ESYT2: variants seen among roughly 807,000 people sequenced by gnomAD.
ESYT2 encodes extended synaptotagmin-2.
Under a neutral mutation model 107.2 loss-of-function variants are expected in ESYT2, and 54 were observed. The observed-to-expected ratio is 0.50, with a 90% CI of 0.40 to 0.63. The LOEUF (loss-of-function observed/expected upper bound fraction) is 0.63. Ranked by LOEUF, ESYT2 falls within the 30% of genes least tolerant of loss-of-function variation. The probability of loss-of-function intolerance (pLI) is 0.00; values close to 1 mark genes in which losing one functional copy is unlikely to be tolerated. For synonymous variants in ESYT2, 491 were observed against 434.1 expected (o/e 1.13, Z -1.63); for missense variants, 1,020 against 1,094.5 (o/e 0.93, Z 0.96).
Position 158,741,840 on chromosome 7 carries a change from G to A in ESYT2, c.1851C>T (p.Val617=). 6.2e-7 allele frequency: 1 copy of A among 1,613,956 alleles called. No homozygotes were observed. Among genetic ancestry groups the A allele is most frequent in the Non-Finnish European group, 8.5e-7 (1 of 1,179,958 alleles). Residue 617 remains valine (V), a synonymous_variant, in exon 18 of 23, where the codon GTC becomes GTT. Transcript: ENST00000275418. ...RPPDHQHSAQ[V]KRPSVSKEGR... is the part of the protein sequence containing the mutation. ...CCTCTTTGGACACAGAGGGACGTTT[G>A]ACTTGAGCTGAGTGTTGGTGGTCTG...
intron 13 of ESYT2, among the ~76,000 whole-genome samples, chr7:158,757,565 C>T (rs138087614): frequency 8.1e-6 from 1 of 123,546 alleles, no homozygotes; most frequent in African/African-American, 3.2e-5. Context: ...CTTAATCCAG[C>T]GCCAAAGGAT....
chr7:158,805,261 T>C (rs897597131), intron 1 of ESYT2, among the ~76,000 whole-genome samples: 2 of 152,338 alleles, frequency 1.3e-5, no homozygotes, highest in East Asian at 3.9e-4. Flanking sequence ...CCTCAAATCC[T>C]ATCTGCCTGT....
rs1437802293 is a variant in ESYT2 at position 158,743,514 on chromosome 7, A to C, written c.1794+15T>G. On this transcript the variant is annotated intron_variant, in intron 17 of 22. Coordinates refer to ENST00000275418, the MANE Select transcript of ESYT2 (RefSeq NM_001367773.1). ...CCCCATCCCCTATGGTGTTCACTGC[A>C]GGACGACACGATACCCGCAGGGCAA... 6 of 1,604,584 alleles carry C rather than the reference A, an allele frequency of 3.7e-6. No homozygotes were observed. Among genetic ancestry groups the C allele is most frequent in the Non-Finnish European group, 5.1e-6 (6 of 1,176,908 alleles).
At chr7:158,792,537 A>AAC (rs1352541674) in intron 4 of ESYT2, among the ~76,000 whole-genome samples, 1 of 149,242 alleles carries the variant, frequency 6.7e-6, no homozygotes, top group East Asian at 2.0e-4. Flanking sequence ...CAAAAACAAA[A>AAC]AAAAAACCAA....
chr7:158,748,213 C>CG lies in ESYT2; in HGVS notation c.1624dup (p.Arg542ProfsTer5). Reference sequence around the variant, plus strand: ...AAATACCTCAACTTCAAGGTCCTGGCGCTTGGGATTGTGAATGAAGAAAGT... The same window carrying CG: ...AAATACCTCAACTTCAAGGTCCTGGCGGCTTGGGATTGTGAATGAAGAAAGT... On this transcript the variant is annotated frameshift_variant, in exon 16 of 23. Transcript: ENST00000275418. 6.2e-7 allele frequency: 1 copy of CG among 1,614,086 alleles called. No individual in the cohort carries two copies. Among genetic ancestry groups the CG allele is most frequent in the Non-Finnish European group, 8.5e-7 (1 of 1,179,990 alleles).
At chr7:158,741,353 G>C (rs890769028) in intron 18 of ESYT2, among the ~76,000 whole-genome samples, 170 bp downstream of exon 18, 1 of 152,198 alleles carries the variant, frequency 6.6e-6, no homozygotes, top group Non-Finnish European at 1.5e-5. Context: ...CCGAGATGCA[G>C]TGAGCAAAAC....
At chr7:158,809,999 T>C (rs528165627) in intron 1 of ESYT2, among the ~76,000 whole-genome samples, 2 of 152,366 alleles carry the variant, frequency 1.3e-5, no homozygotes, top group South Asian at 4.1e-4. Context: ...TACGTTAAAC[T>C]TAATTTGTCT....
chr7:158,786,012 A>G (rs904700235), intron 6 of ESYT2, among the ~76,000 whole-genome samples: 1 of 152,190 alleles, frequency 6.6e-6, no homozygotes, highest in Non-Finnish European at 1.5e-5. Flanking sequence ...CTCTGTTCTC[A>G]TATTTTCCAG....
intron 7 of ESYT2, among the ~76,000 whole-genome samples, chr7:158,769,690 C>T (rs965567589): frequency 2.0e-5 from 3 of 152,096 alleles, no homozygotes; most frequent in African/African-American, 7.2e-5. Flanking sequence ...TAATTTTCAC[C>T]CTTCTTACGA....
intron 1 of ESYT2, among the ~76,000 whole-genome samples, chr7:158,799,612 C>T (rs896148500): frequency 2.6e-5 from 4 of 152,128 alleles, no homozygotes; most frequent in Non-Finnish European, 5.9e-5. Flanking sequence ...CTAGTCTGGA[C>T]AACATAATGA....
rs543990256 is a variant in ESYT2 at position 158,800,567 on chromosome 7, T to G, written c.331-1495A>C. 2.2e-4 allele frequency among the ~76,000 whole-genome samples: 33 copies of G among 152,152 alleles called. No homozygotes were observed. In the East Asian group the frequency reaches 5.3e-3, roughly 24 times the overall value. Reference sequence around the variant, plus strand: ...TGTGCCAACTGGCTAATTTTTAAATTTTTTTAGAGACAGGATCTCACTATG... The same window carrying G: ...TGTGCCAACTGGCTAATTTTTAAATGTTTTTAGAGACAGGATCTCACTATG... On this transcript the variant is annotated intron_variant, in intron 1 of 22. Transcript: ENST00000275418.
At chr7:158,772,697 C>A (rs543698517) in intron 7 of ESYT2, among the ~76,000 whole-genome samples, 2 of 152,186 alleles carry the variant, frequency 1.3e-5, no homozygotes, top group East Asian at 1.9e-4. Context: ...CAGGGATGCA[C>A]CCTCCAGGGC....
At chr7:158,775,543 T>A (rs1168765207) in intron 6 of ESYT2, among the ~76,000 whole-genome samples, 3 of 152,244 alleles carry the variant, frequency 2.0e-5, no homozygotes, top group Non-Finnish European at 4.4e-5. Flanking sequence ...GTAGATTCCA[T>A]CTCAGGAAAC....
intron 1 of ESYT2, among the ~76,000 whole-genome samples, chr7:158,807,655 C>A (rs1463609997): frequency 6.6e-6 from 1 of 152,184 alleles, no homozygotes; most frequent in Non-Finnish European, 1.5e-5. Flanking sequence ...TGCTGTTACA[C>A]ATTCCCCATA....
chr7:158,737,214 G>C, intron 19 of ESYT2, 35 bp from the exon 20 acceptor site: 1 of 1,599,378 alleles, frequency 6.3e-7, no homozygotes, highest in Non-Finnish European at 8.5e-7. Context: ...GAGGTATTAG[G>C]ACCGAGAAAA....
chr7:158,823,291 T>C (rs149064001), intron 1 of ESYT2, among the ~76,000 whole-genome samples: 10,213 of 84,678 alleles, frequency 0.12, 758 homozygotes, highest in East Asian at 0.48. Context: ...TGAGACTCTG[T>C]CTCAAAAAAA....
chr7:158,750,722 A>C lies in ESYT2; in HGVS notation c.1483-999T>G, dbSNP rs111932302. On this transcript the variant is annotated intron_variant, in intron 14 of 22. Coordinates refer to ENST00000275418, the MANE Select transcript of ESYT2 (RefSeq NM_001367773.1). ...GAATACTAATTTCCCCCCTAAGTTA[A>C]TTTTCTCCTTTTTCCTTTAATATTA... is the stretch of plus-strand genomic sequence containing the variant. Among the ~76,000 whole-genome samples the C allele has an allele frequency of 5.1e-3, 779 of 152,250 alleles. 4 individuals carry two copies. The highest frequency in any genetic ancestry group is 0.018 in the African/African-American group (748 of 41,550).
chr7:158,750,114 G>T (rs1011104270), intron 14 of ESYT2, among the ~76,000 whole-genome samples: 2 of 152,086 alleles, frequency 1.3e-5, no homozygotes, highest in African/African-American at 4.8e-5. Flanking sequence ...GTAAAATTCA[G>T]AATATTTCTC....
chr7:158,772,685 A>G (rs890661579), intron 7 of ESYT2, among the ~76,000 whole-genome samples: 4 of 152,204 alleles, frequency 2.6e-5, no homozygotes, highest in African/African-American at 9.7e-5. Context: ...CTTGTCTCTA[A>G]GCAGGGATGC....
Sources: gnomAD v4.1 joint callset for allele counts (sites outside exome capture counted in the v4.1 genomes callset) on GRCh38, gnomAD v4.1.1 for gene constraint, MANE v1.5 for transcripts, NCBI Gene and HGNC (gene_info 2026-07-23, HGNC 2026-07-21) for gene names.